GRB14: variants seen among roughly 807,000 people sequenced by gnomAD.
The protein encoded by GRB14 is growth factor receptor bound protein 14.
In GRB14, 38 loss-of-function variants were observed where a neutral mutation model predicts 69.1. That is an observed-to-expected ratio of 0.55 (90% confidence interval 0.42 to 0.72). The LOEUF is 0.72. Ranked by LOEUF, GRB14 falls within the 30% of genes least tolerant of loss-of-function variation. The probability of loss-of-function intolerance (pLI) is 0.00; values close to 1 mark genes in which losing one functional copy is unlikely to be tolerated. For missense variants in GRB14, 666 were observed against 666.1 expected, an observed-to-expected ratio of 1.00 and a Z score of 0.00; for synonymous variants, 247 against 241.3, an observed-to-expected ratio of 1.02 and a Z score of -0.22.
intron 8 of GRB14, among the ~76,000 whole-genome samples, chr2:164,507,554 G>C (rs1032193806): frequency 4.6e-5 from 7 of 152,080 alleles, no homozygotes; most frequent in Admixed American, 4.6e-4. Flanking sequence ...ATTATAAAGA[G>C]TACCTTAGAA....
intron 3 of GRB14, among the ~76,000 whole-genome samples, chr2:164,535,066 T>C (rs1443138319): frequency 6.6e-6 from 1 of 152,124 alleles, no homozygotes; most frequent in Non-Finnish European, 1.5e-5. Flanking sequence ...GGAAGCCCTC[T>C]TAAATTACTT....
chr2:164,617,962 G>GTT (rs1558887053), intron 2 of GRB14, among the ~76,000 whole-genome samples: 21 of 118,086 alleles, frequency 1.8e-4, no homozygotes, highest in African/African-American at 4.4e-4. Context: ...TTTTTTTTGG[G>GTT]GGGGGGGGGG....
chr2:164,562,499 T>C (rs1474249), intron 2 of GRB14, among the ~76,000 whole-genome samples: 80,702 of 152,032 alleles, frequency 0.53, 24,709 homozygotes, highest in Non-Finnish European at 0.69. Flanking sequence ...AAAACCACTT[T>C]TTGTTTGACT....
chr2:164,562,714 C>T (rs149367367), intron 2 of GRB14, among the ~76,000 whole-genome samples: 15 of 152,288 alleles, frequency 9.8e-5, no homozygotes, highest in African/African-American at 3.1e-4. Context: ...TGAATCCTCA[C>T]AACTGTTCTG....
intron 3 of GRB14, among the ~76,000 whole-genome samples, chr2:164,531,043 AG>A (rs1687921583): frequency 6.6e-6 from 1 of 152,206 alleles, no homozygotes; most frequent in South Asian, 2.1e-4. Context: ...TTTTGAAGGT[AG>A]GGACAACAGA....
chr2:164,585,616 C>T (rs545165398), intron 2 of GRB14, among the ~76,000 whole-genome samples: 1 of 152,188 alleles, frequency 6.6e-6, no homozygotes, highest in Admixed American at 6.5e-5. Context: ...ATGGGATTAG[C>T]TTAGTCATGT....
At chr2:164,536,749 A>G (rs987912214) in intron 3 of GRB14, among the ~76,000 whole-genome samples, 8 of 152,226 alleles carry the variant, frequency 5.3e-5, no homozygotes, top group Admixed American at 3.9e-4. Flanking sequence ...ACTATAATTT[A>G]TAACATTCTC....
intron 2 of GRB14, among the ~76,000 whole-genome samples, chr2:164,557,433 G>A (rs1377172049): frequency 1.3e-5 from 2 of 152,130 alleles, no homozygotes; most frequent in Admixed American, 1.3e-4. Flanking sequence ...AAAATTAAAT[G>A]TTATTTAATA....
chr2:164,564,517 T>G (rs952294663), intron 2 of GRB14, among the ~76,000 whole-genome samples: 4 of 152,242 alleles, frequency 2.6e-5, no homozygotes, highest in African/African-American at 7.2e-5. Flanking sequence ...GAATTAGATC[T>G]TCTCATAAAT....
chr2:164,507,556 A>G (rs1687224309), intron 8 of GRB14, among the ~76,000 whole-genome samples: 1 of 152,198 alleles, frequency 6.6e-6, no homozygotes, highest in African/African-American at 2.4e-5. Context: ...TATAAAGAGT[A>G]CCTTAGAAAA....
intron 2 of GRB14, among the ~76,000 whole-genome samples, chr2:164,582,084 T>G (rs1231721206): frequency 6.6e-6 from 1 of 152,190 alleles, no homozygotes; most frequent in Non-Finnish European, 1.5e-5. Context: ...CCCAGATATC[T>G]CTGCACAGCA....
intron 2 of GRB14, among the ~76,000 whole-genome samples, chr2:164,600,830 T>C (rs987785988): frequency 6.6e-6 from 1 of 152,170 alleles, no homozygotes; most frequent in Non-Finnish European, 1.5e-5. Flanking sequence ...TCCATGCTTT[T>C]AAGACCCAGT....
intron 2 of GRB14, chr2:164,568,164 T>G (rs1396365027): frequency 6.3e-6 from 2 of 316,530 alleles, no homozygotes; most frequent in Non-Finnish European, 5.9e-6. Context: ...TCCAATAATA[T>G]GTCCTTTAAT....
intron 4 of GRB14, among the ~76,000 whole-genome samples, chr2:164,525,778 T>C (rs910543048): frequency 4.6e-5 from 7 of 152,040 alleles, no homozygotes; most frequent in African/African-American, 1.7e-4. Context: ...GTAGTTCTAC[T>C]AACATTTTGG....
chr2:164,508,350 T>C, intron 8 of GRB14, 105 bp downstream of exon 8: 3 of 817,606 alleles, frequency 3.7e-6, no homozygotes, highest in Non-Finnish European at 5.9e-6. Context: ...TTCTTCTTTC[T>C]CATGTAGCCA....
intron 13 of GRB14, 77 bp downstream of exon 13, chr2:164,494,354 A>T: frequency 1.3e-6 from 1 of 784,474 alleles, no homozygotes; most frequent in Non-Finnish European, 2.2e-6. Context: ...AGTTTCCAAA[A>T]GCTTATGCAT....
chr2:164,576,358 T>A (rs1689251112), intron 2 of GRB14, among the ~76,000 whole-genome samples: 1 of 149,362 alleles, frequency 6.7e-6, no homozygotes, highest in South Asian at 2.1e-4. Flanking sequence ...TGCCATATAT[T>A]TAACTTTAAG....
intron 2 of GRB14, among the ~76,000 whole-genome samples, chr2:164,560,976 T>A (rs1688813107): frequency 6.6e-6 from 1 of 152,164 alleles, no homozygotes. Context: ...GCTTCTTTTT[T>A]TTCCTGCCAA....
chr2:164,579,661 A>G (rs1689347080), intron 2 of GRB14, among the ~76,000 whole-genome samples: 1 of 152,160 alleles, frequency 6.6e-6, no homozygotes, highest in African/African-American at 2.4e-5. Flanking sequence ...CACACTTCAC[A>G]CAGACAGTGG....
Sources: gnomAD v4.1 joint callset for allele counts (sites outside exome capture counted in the v4.1 genomes callset) on GRCh38, gnomAD v4.1.1 for gene constraint, MANE v1.5 for transcripts, NCBI Gene and HGNC (gene_info 2026-07-23, HGNC 2026-07-21) for gene names.